Variants in HHIPL1 observed in about 807,000 individuals in gnomAD.
HHIPL1 encodes HHIP like 1.
A neutral mutation model predicts 61.8 loss-of-function variants in HHIPL1; 43 were observed. The ratio of observed to expected loss-of-function variants is 0.70; its 90% CI spans 0.55 to 0.90. The LOEUF is 0.90. Among genes scored for constraint, HHIPL1 ranks in the 40% least tolerant of loss-of-function variants. The pLI, the probability that HHIPL1 is intolerant of heterozygous loss-of-function variation, is 0.00. For missense variants in HHIPL1, 1,056 were observed against 1,157.7 expected (o/e 0.91, Z 1.28); for synonymous variants, 482 against 515.8 (o/e 0.93, Z 0.89).
rs1311673811 is a variant in HHIPL1, at chr14:99,660,880, G to A, written c.1502+474G>A. ...GCCAGGACTGCAGGGAGCTTGCAAAGGTTGAGAAACTAAGACCCGAGAGAA... is the reference window on the plus strand; with the variant it reads ...GCCAGGACTGCAGGGAGCTTGCAAAAGTTGAGAAACTAAGACCCGAGAGAA... On this transcript the variant is annotated intron_variant, in intron 5 of 8. Coordinates refer to ENST00000330710, the MANE Select transcript of HHIPL1 (RefSeq NM_001127258.3). The surrounding 1 kb of genome is among the most constrained non-coding windows in gnomAD (Gnocchi z 4.9). Among the ~76,000 whole-genome samples the A allele has an allele frequency of 6.6e-6, 1 of 152,224 alleles. No homozygotes were observed. Among genetic ancestry groups the A allele is most frequent in the African/African-American group, 2.4e-5 (1 of 41,458 alleles).
the HHIPL1 span, among the ~76,000 whole-genome samples, chr14:99,637,111 G>GAAAGAAAGAAAA: frequency 8.5e-6 from 1 of 118,054 alleles, no homozygotes; most frequent in Non-Finnish European, 1.7e-5. Context: ...AAAAAAGAAA[G>GAAAGAAAGAAAA]AAAGAAAGAA....
In HHIPL1 at chr14:99,659,760, A is replaced by C. The variant is rs778186665; in HGVS notation, c.1375+4A>C. The C allele has an allele frequency of 4.2e-5, 57 of 1,358,792 alleles. No individual in the cohort carries two copies. Among genetic ancestry groups the C allele is most frequent in the African/African-American group, 1.6e-5 (1 of 63,182 alleles). The allele number at this position is 1,358,792 out of a possible 1,614,324, so 84.2% of individuals were successfully genotyped here. A position where few individuals can be genotyped will look rare whatever the true frequency, so the allele number is the denominator to read the frequency against. Reference sequence around the variant, plus strand: ...CTGTGCGCCAACACCTCTCTCAGTGAGTGCCCGCGCCCCGGGGACCCCGGC... The same window carrying C: ...CTGTGCGCCAACACCTCTCTCAGTGCGTGCCCGCGCCCCGGGGACCCCGGC... On this transcript the variant is annotated splice_donor_region_variant and intron_variant, in intron 4 of 8. Transcript: ENST00000330710.
upstream of HHIPL1, among the ~76,000 whole-genome samples, chr14:99,640,874 C>CTTT (rs1178661799): frequency 1.3e-3 from 122 of 93,910 alleles, 2 homozygotes; most frequent in African/African-American, 2.5e-3. Context: ...TTTACTTCTT[C>CTTT]TTCTTTTTTT....
chr14:99,649,621 T>A (rs1317221603), intron 1 of HHIPL1, among the ~76,000 whole-genome samples: 3 of 152,030 alleles, frequency 2.0e-5, no homozygotes, highest in African/African-American at 7.2e-5. Context: ...AGAGACCCTG[T>A]CTCTGCAAAA....
chr14:99,630,567 C>T, the HHIPL1 span, among the ~76,000 whole-genome samples: 15 of 152,126 alleles, frequency 9.9e-5, no homozygotes, highest in Non-Finnish European at 2.1e-4. Flanking sequence ...GCAAGTGGGA[C>T]GATGGTGATA....
In HHIPL1 at chr14:99,675,363, T is replaced by A; in HGVS notation, c.2086T>A (p.Trp696Arg). Residue 696 changes from tryptophan (W) to arginine (R), a missense_variant, in exon 9 of 9, where the codon TGG becomes AGG. By Grantham distance (101) the Trp-to-Arg change is moderately radical. Transcript: ENST00000330710. The surrounding 1 kb of genome is among the most constrained non-coding windows in gnomAD (Gnocchi z 5.4). Reference sequence around the variant, plus strand: ...CGTGGAGGTGTTCGTGGGCGGACGCTGGGGCACCGTGTGCGACGACTCCTG... The same window carrying A: ...CGTGGAGGTGTTCGTGGGCGGACGCAGGGGCACCGTGTGCGACGACTCCTG... ...GRVEVFVGGRWGTVCDDSWNI... is the reference protein window; with the variant it reads ...GRVEVFVGGRRGTVCDDSWNI... 1 of 1,504,116 alleles carries A rather than the reference T, an allele frequency of 6.6e-7. No individual in the cohort carries two copies. Among genetic ancestry groups the A allele is most frequent in the Admixed American group, 2.0e-5 (1 of 49,204 alleles). The allele number at this position is 1,504,116 out of a possible 1,614,324, so 93.2% of individuals were successfully genotyped here.
At chr14:99,672,194 G>A in intron 7 of HHIPL1, 123 bp from the exon 8 acceptor site, 1 of 707,942 alleles carries the variant, frequency 1.4e-6, no homozygotes, top group South Asian at 1.7e-5. Flanking sequence ...CACACAGTAG[G>A]TGCATGGTGA....
intron 3 of HHIPL1, among the ~76,000 whole-genome samples, chr14:99,658,325 G>C (rs566237479): frequency 6.6e-6 from 1 of 152,154 alleles, no homozygotes; most frequent in Non-Finnish European, 1.5e-5. Flanking sequence ...TGGGTTCAGG[G>C]GTGTGATCTG....
intron 5 of HHIPL1, among the ~76,000 whole-genome samples, chr14:99,661,417 G>A (rs796154796): frequency 2.2e-4 from 32 of 145,368 alleles, no homozygotes; most frequent in Admixed American, 3.5e-4. Context: ...GAGAGAGAGA[G>A]AAAAGAAGGA....
the HHIPL1 span, among the ~76,000 whole-genome samples, chr14:99,606,080 A>G: frequency 1.3e-5 from 2 of 152,284 alleles, no homozygotes; most frequent in East Asian, 3.9e-4. Flanking sequence ...AGAGAGGTCC[A>G]GATTCAATAT....
chr14:99,605,392 G>GTCCCTCCCCCGGAACCT, the HHIPL1 span, among the ~76,000 whole-genome samples: 1 of 144,166 alleles, frequency 6.9e-6, no homozygotes, highest in African/African-American at 2.5e-5. Context: ...CGGGGCGGGG[G>GTCCCTCCCCCGGAACCT]GGGGTCCCTC....
At chr14:99,613,321 GT>G in the HHIPL1 span, among the ~76,000 whole-genome samples, 3 of 151,084 alleles carry the variant, frequency 2.0e-5, no homozygotes, top group South Asian at 2.1e-4. Flanking sequence ...CATACATGTG[GT>G]TTTTTTTAAT....
intron 1 of HHIPL1, among the ~76,000 whole-genome samples, chr14:99,647,213 A>G (rs2055856320): frequency 6.6e-6 from 1 of 152,196 alleles, no homozygotes; most frequent in African/African-American, 2.4e-5. Flanking sequence ...CCAGAATGCA[A>G]CAGAGGGTGG....
chr14:99,604,708 CCCGCGTCCCCGGT>C, the HHIPL1 span: 1 of 152,176 alleles, frequency 6.6e-6, no homozygotes, highest in South Asian at 2.1e-4. Flanking sequence ...CCCTCCCCGG[CCCGCGTCCCCGGT>C]CCTCTTCCCT....
chr14:99,659,458 C>A lies in HHIPL1; in HGVS notation c.1077C>A (p.Ile359=). 4 of 1,507,338 alleles carry A rather than the reference C, an allele frequency of 2.7e-6. No homozygotes were observed. Among genetic ancestry groups the A allele is most frequent in the South Asian group, 1.2e-5 (1 of 80,436 alleles). The allele number at this position is 1,507,338 out of a possible 1,614,324, so 93.4% of individuals were successfully genotyped here. A position where few individuals can be genotyped will look rare whatever the true frequency, so the allele number is the denominator to read the frequency against. The change falls in exon 4 of 9, where the codon ATC becomes ATA. Residue 359 remains isoleucine, a synonymous_variant. Coordinates refer to ENST00000330710, the MANE Select transcript of HHIPL1 (RefSeq NM_001127258.3). ...KSALLGKVLR[I]DVDRKERGLP... is the part of the protein sequence containing the mutation. ...CGCTGCTGGGCAAGGTGCTGCGCAT[C>A]GACGTGGACCGTAAGGAGCGCGGCC... is the stretch of plus-strand genomic sequence containing the variant.
At chr14:99,638,808 T>C in the HHIPL1 span, among the ~76,000 whole-genome samples, 6 of 152,216 alleles carry the variant, frequency 3.9e-5, no homozygotes, top group Non-Finnish European at 1.5e-5. Flanking sequence ...TTCCATTAGA[T>C]GGAGTGTGAG....
the HHIPL1 span, among the ~76,000 whole-genome samples, chr14:99,614,313 T>G: frequency 1.3e-5 from 2 of 152,014 alleles, no homozygotes; most frequent in Admixed American, 1.3e-4. Context: ...CCAAGCCTTC[T>G]CTCAAGAGTA....
intron 2 of HHIPL1, among the ~76,000 whole-genome samples, chr14:99,656,620 A>G (rs1223769737): frequency 6.6e-6 from 1 of 151,720 alleles, no homozygotes; most frequent in Non-Finnish European, 1.5e-5. Context: ...TACTAAAAAT[A>G]CAAAAATTAG....
the HHIPL1 span, among the ~76,000 whole-genome samples, chr14:99,605,382 C>CG: frequency 5.1e-5 from 1 of 19,622 alleles, no homozygotes; most frequent in Non-Finnish European, 4.4e-4. Context: ...CGGGGCGGGG[C>CG]GGGGCGGGGG....
Sources: gnomAD v4.1 joint callset for allele counts (sites outside exome capture counted in the v4.1 genomes callset) on GRCh38, gnomAD v4.1.1 for gene constraint, Gnocchi (gnomAD v3.1) non-coding constraint, MANE v1.5 for transcripts, NCBI Gene and HGNC (gene_info 2026-07-23, HGNC 2026-07-21) for gene names.